Variants in EFS observed in about 807,000 individuals in gnomAD.
EFS encodes Cas scaffolding protein family member 3.
EFS carries 34 observed loss-of-function variants against 42.2 expected under a neutral mutation model. That is an observed-to-expected ratio of 0.81 (90% confidence interval 0.61 to 1.07). EFS has a LOEUF of 1.07. EFS is among the 50% of genes least tolerant of loss of function. EFS has a pLI of 0.00. For missense variants in EFS, 717 were observed against 729.4 expected, an observed-to-expected ratio of 0.98 and a Z score of 0.20; for synonymous variants, 299 against 320.7, an observed-to-expected ratio of 0.93 and a Z score of 0.72.
In EFS at chr14:23,360,669, G is replaced by C; in HGVS notation, c.183C>G (p.Asn61Lys). ...GGCCAGCAGGCAAGAGCTTCACCCTGTTGGCGGGCACAATGCCCTGCTGGC... is the reference window on the plus strand; with the variant it reads ...GGCCAGCAGGCAAGAGCTTCACCCTCTTGGCGGGCACAATGCCCTGCTGGC... ...LHGQQGIVPA[N>K]RVKLLPAGPA... The change falls in exon 2 of 6, where the codon AAC (asparagine) becomes AAG (lysine). Residue 61 changes from asparagine (N) to lysine (K), a missense_variant. Transcript: ENST00000216733. The C allele has an allele frequency of 6.2e-7, 1 of 1,613,840 alleles. No individual in the cohort carries two copies. The highest frequency in any genetic ancestry group is 8.5e-7 in the Non-Finnish European group (1 of 1,179,928).
At position 23,360,720 on chromosome 14, in the gene EFS, G is replaced by T. The variant is rs375046962; in HGVS notation, c.132C>A (p.Asp44Glu). 4 of 1,613,912 alleles carry T rather than the reference G, an allele frequency of 2.5e-6. No individual in the cohort carries two copies. Among genetic ancestry groups the T allele is most frequent in the Non-Finnish European group, 3.4e-6 (4 of 1,179,892 alleles). The change falls in exon 2 of 6, where the codon GAC becomes GAA. Residue 44 changes from aspartate (D) to glutamate (E), a missense_variant. Transcript: ENST00000216733. ...VLQREGAGGL[D>E]GWCLCSLHGQ... ...CGTGTAGGGAGCAGAGGCACCAGCC[G>T]TCCAGTCCACCAGCGCCCTCTCTCT...
Position 23,364,990 on chromosome 14 carries a change from A to G in EFS, c.18+18T>C. ...TGGAGGTCTCTCCCCGGCAGCCTCC[A>G]CTCCCTGGTGGACTCACCGACGTGG... On this transcript the variant is annotated intron_variant, in intron 1 of 5. Transcript: ENST00000216733. The G allele has an allele frequency of 7.6e-7, 1 of 1,312,732 alleles. No homozygotes were observed. The highest frequency in any genetic ancestry group is 2.8e-5 in the South Asian group (1 of 36,198). The allele number at this position is 1,312,732 out of a possible 1,614,324, so 81.3% of individuals were successfully genotyped here. A position where few individuals can be genotyped will look rare whatever the true frequency, so the allele number is the denominator to read the frequency against.
Position 23,359,918 on chromosome 14 carries a change from G to C in EFS, c.560C>G (p.Pro187Arg). Residue 187 changes from proline (P) to arginine (R), a missense_variant, in exon 4 of 6, where the codon CCC becomes CGC. By Grantham distance (103) the Pro-to-Arg change is moderately radical (BLOSUM62 -2). Coordinates refer to ENST00000216733, the MANE Select transcript of EFS (RefSeq NM_005864.4). ...APQPPGEDDA[P>R]YDVPLTPKPP... is the part of the protein sequence containing the mutation. The stretch of plus-strand genomic sequence containing the variant: ...CTTTGGGGTCAGAGGCACATCATAG[G>C]GAGCATCATCCTCTCCAGGGGGCTG... 6.5e-7 allele frequency: 1 copy of C among 1,547,242 alleles called. No homozygotes were observed. Among genetic ancestry groups the C allele is most frequent in the Non-Finnish European group, 8.7e-7 (1 of 1,148,224 alleles).
chr14:23,358,001 TA>T (rs61667019), intron 5 of EFS, among the ~76,000 whole-genome samples: 19,193 of 147,952 alleles, frequency 0.13, 1,311 homozygotes, highest in East Asian at 0.21. Context: ...TAAAAGTGGT[TA>T]AAAAAAAAAC....
chr14:23,365,106 C>T lies in EFS; in HGVS notation c.-81G>A, dbSNP rs1018529757. The T allele has an allele frequency of 2.0e-5, 24 of 1,226,840 alleles. No homozygotes were observed. The African/African-American group carries it at 3.0e-4, about 15-fold the overall frequency. The allele number at this position is 1,226,840 out of a possible 1,614,324, so 76.0% of individuals were successfully genotyped here. Reference sequence around the variant, plus strand: ...GCGGTGGCTGCCCCGCACCATGGTCCGCGGCCTCTAGCCCCCAGCTGTGGC... The same window carrying T: ...GCGGTGGCTGCCCCGCACCATGGTCTGCGGCCTCTAGCCCCCAGCTGTGGC... On this transcript the variant is annotated 5_prime_UTR_variant, in exon 1 of 6. Coordinates refer to ENST00000216733, the MANE Select transcript of EFS (RefSeq NM_005864.4). This position sits in a 1 kb window ranked among gnomAD's most constrained non-coding sequence, Gnocchi z 5.3.
At chr14:23,362,930 T>C (rs974430477) in intron 1 of EFS, among the ~76,000 whole-genome samples, 1 of 151,392 alleles carries the variant, frequency 6.6e-6, no homozygotes, top group Admixed American at 6.6e-5. Context: ...TTTTTTTTTT[T>C]TGAGACGGAG....
Position 23,360,603 on chromosome 14 carries a change from C to A in EFS, c.249G>T (p.Gln83His). 6.3e-7 allele frequency: 1 copy of A among 1,584,164 alleles called. No homozygotes were observed. The highest frequency in any genetic ancestry group is 8.6e-7 in the Non-Finnish European group (1 of 1,163,694). Reference sequence around the variant, plus strand: ...CTGGGGCTGGATATGGTGAGCCAGGCTGGGCTGGGGACGCAGGAGAGAGGC... The same window carrying A: ...CTGGGGCTGGATATGGTGAGCCAGGATGGGCTGGGGACGCAGGAGAGAGGC... ...KPSLSPASPAQPGSPYPAPDH... is the reference protein window; with the variant it reads ...KPSLSPASPAHPGSPYPAPDH... Residue 83 changes from glutamine (Q) to histidine (H), a missense_variant, in exon 2 of 6, where the codon CAG (glutamine) becomes CAT (histidine). Transcript: ENST00000216733.
In EFS at chr14:23,360,702, G is replaced by T; in HGVS notation, c.150C>A (p.Ser50=). Residue 50 remains serine, a synonymous_variant, in exon 2 of 6, where the codon TCC becomes TCA. Coordinates refer to ENST00000216733, the MANE Select transcript of EFS (RefSeq NM_005864.4). ...AGGLDGWCLC[S]LHGQQGIVPA... ...GCACAATGCCCTGCTGGCCGTGTAG[G>T]GAGCAGAGGCACCAGCCGTCCAGTC... is the stretch of plus-strand genomic sequence containing the variant. 6.2e-7 allele frequency: 1 copy of T among 1,614,030 alleles called. No individual in the cohort carries two copies. The highest frequency in any genetic ancestry group is 1.7e-5 in the Admixed American group (1 of 60,012).
At position 23,357,480 on chromosome 14, in the gene EFS, C is replaced by G; in HGVS notation, c.1432G>C (p.Val478Leu). Residue 478 changes from valine to leucine, a missense_variant, in exon 6 of 6, where the codon GTG becomes CTG. Physicochemically the swap from Val to Leu is conservative, Grantham distance 32 (BLOSUM62 1). Transcript: ENST00000216733. The stretch of plus-strand genomic sequence containing the variant: ...AACACCAGGCGATGAGCAGCCACCA[C>G]CACCCTCTTGCTGTGGGGCACGAAA... ...RLFVPHSKRV[V>L]VAAHRLVFVG... The G allele has an allele frequency of 6.2e-7, 1 of 1,614,030 alleles. No individual in the cohort carries two copies. The highest frequency in any genetic ancestry group is 8.5e-7 in the Non-Finnish European group (1 of 1,180,024).
intron 1 of EFS, among the ~76,000 whole-genome samples, chr14:23,362,905 TTTTC>T (rs1366143711): frequency 1.1e-4 from 17 of 149,082 alleles, no homozygotes; most frequent in Admixed American, 2.7e-4. Flanking sequence ...GTCCCTTTCT[TTTTC>T]TTTCTTTCTT....
rs1172343678 is a variant in EFS at position 23,359,613 on chromosome 14, G to A, written c.865C>T (p.Pro289Ser). Residue 289 changes from proline to serine, a missense_variant, in exon 4 of 6, where the codon CCA becomes TCA. Pro to Ser is a moderately conservative substitution (Grantham distance 74, BLOSUM62 -1). Coordinates refer to ENST00000216733, the MANE Select transcript of EFS (RefSeq NM_005864.4). ...GGGAGCCGGGGCCTGTGTGGGGGTG[G>A]GGGGCTTCTGGCCAGAAGCTGGGCC... ...TLAQLLARSP[P>S]PPHRPRLPSA... 1.3e-6 allele frequency: 2 copies of A among 1,501,216 alleles called. No homozygotes were observed. The highest frequency in any genetic ancestry group is 2.4e-5 in the East Asian group (1 of 42,442). 93.0% of individuals were successfully genotyped at this position (1,501,216 alleles called of 1,614,324 possible). A position where few individuals can be genotyped will look rare whatever the true frequency, so the allele number is the denominator to read the frequency against.
intron 2 of EFS, 28 bp from the exon 3 acceptor site, chr14:23,360,309 G>A: frequency 6.3e-7 from 1 of 1,590,058 alleles, no homozygotes; most frequent in South Asian, 1.1e-5. Context: ...TGGGGGGTCA[G>A]GAGGAACGGA....
Position 23,357,569 on chromosome 14 carries a change from G to C in EFS, c.1343C>G (p.Ser448Ter). ...GGCTGCCACGGCTGCCTGCAGGGCT[G>C]AGTAGTGGCTCTGGCATTGCCCAGC... Reference protein sequence around the residue: ...FYAGQCQSHYSALQAAVAALM... With the variant: ...FYAGQCQSHY The change falls in exon 6 of 6, where the codon TCA becomes TGA. Residue 448 changes from serine (S) to a stop codon, truncating the protein, a stop_gained. Coordinates refer to ENST00000216733, the MANE Select transcript of EFS (RefSeq NM_005864.4). LOFTEE classifies it high-confidence loss of function. 1.2e-6 allele frequency: 2 copies of C among 1,608,808 alleles called. No homozygotes were observed. The highest frequency in any genetic ancestry group is 1.1e-5 in the South Asian group (1 of 90,670).
At position 23,356,676 on chromosome 14, in the gene EFS, G is replaced by T. The variant is rs1249096858; in HGVS notation, c.*550C>A. Reference sequence around the variant, plus strand: ...CAGAGTCAGGGAGGCAGACAGCAGGGTTTATTAAGGTGCACACCCATGTCT... The same window carrying T: ...CAGAGTCAGGGAGGCAGACAGCAGGTTTTATTAAGGTGCACACCCATGTCT... On this transcript the variant is annotated 3_prime_UTR_variant, in exon 6 of 6. Coordinates refer to ENST00000216733, the MANE Select transcript of EFS (RefSeq NM_005864.4). 1 of 152,234 alleles carries T rather than the reference G, an allele frequency of 6.6e-6. No individual in the cohort carries two copies. The highest frequency in any genetic ancestry group is 2.4e-5 in the African/African-American group (1 of 41,456). The allele number at this position is 152,234 out of a possible 1,614,324, so 9.4% of individuals were successfully genotyped here. A position where few individuals can be genotyped will look rare whatever the true frequency, so the allele number is the denominator to read the frequency against.
In EFS at chr14:23,360,091, T is replaced by G. The variant is rs774259137; in HGVS notation, c.438+50A>C. Reference sequence around the variant, plus strand: ...GTCAGCTCAGCGATGAACCCTCCCTTGGGGCCATTTGTCTCCCACCCAACA... The same window carrying G: ...GTCAGCTCAGCGATGAACCCTCCCTGGGGGCCATTTGTCTCCCACCCAACA... On this transcript the variant is annotated intron_variant, in intron 3 of 5. Transcript: ENST00000216733. The G allele has an allele frequency of 1.9e-6, 3 of 1,613,924 alleles. No individual in the cohort carries two copies. The African/African-American group carries it at 4.0e-5, about 22-fold the overall frequency.
At chr14:23,360,358 T>C in intron 2 of EFS, 77 bp from the exon 3 acceptor site, 5 of 1,535,666 alleles carry the variant, frequency 3.3e-6, no homozygotes, top group Non-Finnish European at 3.5e-6. Context: ...GCGAGGAGCT[T>C]AGAGACCTTC....
chr14:23,364,908 C>G, intron 1 of EFS, 100 bp downstream of exon 1: 3 of 1,114,580 alleles, frequency 2.7e-6, no homozygotes, highest in Non-Finnish European at 3.5e-6. Context: ...AGAAAGGGAC[C>G]AAGGAGAGAG....
At position 23,359,407 on chromosome 14, in the gene EFS, C is replaced by T; in HGVS notation, c.1071G>A (p.Glu357=). The change falls in exon 4 of 6, where the codon GAG becomes GAA. Residue 357 remains glutamate, a synonymous_variant. Coordinates refer to ENST00000216733, the MANE Select transcript of EFS (RefSeq NM_005864.4). ...YGGPKVEGDP[E]GREMEDDPAG... ...CTGGGTCATCCTCCATCTCCCTGCC[C>T]TCTGGATCCCCCTCGACCTTGGGGC... The T allele has an allele frequency of 6.2e-7, 1 of 1,612,376 alleles. No homozygotes were observed. Among genetic ancestry groups the T allele is most frequent in the Non-Finnish European group, 8.5e-7 (1 of 1,179,752 alleles).
intron 4 of EFS, 50 bp downstream of exon 4, chr14:23,359,267 C>T: frequency 3.1e-6 from 5 of 1,610,772 alleles, no homozygotes; most frequent in South Asian, 1.1e-5. Flanking sequence ...ACACCCCTCC[C>T]CTTGGTCCCT....
Sources: allele counts gnomAD v4.1 joint callset (sites outside exome capture counted in the v4.1 genomes callset), GRCh38; gene constraint gnomAD v4.1.1; non-coding constraint Gnocchi (gnomAD v3.1); transcripts MANE v1.5; gene names NCBI Gene and HGNC (gene_info 2026-07-23, HGNC 2026-07-21).